SLC38A9: variants seen among roughly 807,000 people sequenced by gnomAD.
SLC38A9 encodes the protein solute carrier family 38 member 9.
In SLC38A9, 48 loss-of-function variants were observed where a neutral mutation model predicts 62.3. The observed-to-expected ratio is 0.77, with a 90% CI of 0.61 to 0.98. The LOEUF is 0.98. Ranked by LOEUF, SLC38A9 falls within the 50% of genes least tolerant of loss-of-function variation. The pLI, the probability that SLC38A9 is intolerant of heterozygous loss-of-function variation, is 0.00. For synonymous variants in SLC38A9, 204 were observed against 227.7 expected (o/e 0.90, Z 0.94); for missense variants, 541 against 679.8 (o/e 0.80, Z 2.27).
chr5:55,708,504 C>A (rs1437445354), intron 2 of SLC38A9, among the ~76,000 whole-genome samples: 1 of 152,184 alleles, frequency 6.6e-6, no homozygotes, highest in South Asian at 2.1e-4. Flanking sequence ...TGTCTTTTCA[C>A]AATTCTTTGC....
intron 13 of SLC38A9, chr5:55,634,727 T>C (rs905010209): frequency 4.6e-5 from 7 of 152,178 alleles, no homozygotes; most frequent in Admixed American, 2.0e-4. Context: ...ACTATTAACA[T>C]TATTTTGCTG....
intron 8 of SLC38A9, among the ~76,000 whole-genome samples, chr5:55,661,583 A>G (rs1749583594): frequency 6.6e-6 from 1 of 152,196 alleles, no homozygotes; most frequent in Non-Finnish European, 1.5e-5. Flanking sequence ...ACGGTGTACC[A>G]ACTGATAAAA....
At chr5:55,659,188 T>A (rs1315592030) in intron 8 of SLC38A9, among the ~76,000 whole-genome samples, 1 of 151,932 alleles carries the variant, frequency 6.6e-6, no homozygotes, top group Non-Finnish European at 1.5e-5. Flanking sequence ...TCAGAAAGAT[T>A]TCCTTATGAA....
chr5:55,652,476 TCCA>T, intron 10 of SLC38A9, 50 bp downstream of exon 10: 1 of 1,093,122 alleles, frequency 9.1e-7, no homozygotes, highest in South Asian at 2.3e-5. Flanking sequence ...TTCCCTAGAC[TCCA>T]CCACGTATTC....
At chr5:55,646,274 G>A (rs1277739856) in intron 11 of SLC38A9, among the ~76,000 whole-genome samples, 1 of 152,134 alleles carries the variant, frequency 6.6e-6, no homozygotes, top group African/African-American at 2.4e-5. Context: ...GGGAGGCTGA[G>A]GCAGGGGAAT....
chr5:55,669,641 C>A, intron 5 of SLC38A9, 21 bp from the exon 6 acceptor site: 3 of 1,599,282 alleles, frequency 1.9e-6, no homozygotes, highest in Admixed American at 1.7e-5. Flanking sequence ...AGAGTAATAG[C>A]AGTAAAAAAA....
intron 3 of SLC38A9, chr5:55,693,119 G>A (rs1754972352): frequency 2.0e-6 from 1 of 499,008 alleles, no homozygotes; most frequent in Admixed American, 6.4e-5. Flanking sequence ...AGGTAGGGTT[G>A]CTGATTAATT....
intron 3 of SLC38A9, among the ~76,000 whole-genome samples, chr5:55,674,419 A>G (rs1751797221): frequency 6.6e-6 from 1 of 152,198 alleles, no homozygotes; most frequent in African/African-American, 2.4e-5. Context: ...CTGAGTTCAC[A>G]AACAGATTAA....
intron 7 of SLC38A9, among the ~76,000 whole-genome samples, chr5:55,666,283 A>G (rs1210903837): frequency 6.6e-6 from 1 of 152,346 alleles, no homozygotes; most frequent in South Asian, 2.1e-4. Context: ...GGATTATTAT[A>G]TTAGTAATAT....
intron 2 of SLC38A9, among the ~76,000 whole-genome samples, chr5:55,701,116 T>C (rs1468033767): frequency 1.3e-5 from 2 of 152,162 alleles, no homozygotes; most frequent in Non-Finnish European, 2.9e-5. Context: ...AAAATCCACA[T>C]GTGGCCACAT....
intron 3 of SLC38A9, among the ~76,000 whole-genome samples, chr5:55,690,087 A>C (rs987406956): frequency 6.6e-6 from 1 of 152,200 alleles, no homozygotes; most frequent in Non-Finnish European, 1.5e-5. Context: ...TGTAAGAATA[A>C]AAGGATTCTA....
At chr5:55,669,039 G>T in intron 7 of SLC38A9, 189 bp downstream of exon 7, 1 of 370,696 alleles carries the variant, frequency 2.7e-6, no homozygotes, top group Non-Finnish European at 4.8e-6. Flanking sequence ...CAGCTTCTCT[G>T]AATTTCAAAA....
intron 8 of SLC38A9, among the ~76,000 whole-genome samples, chr5:55,662,741 A>G (rs1429585696): frequency 1.3e-5 from 2 of 152,002 alleles, no homozygotes; most frequent in Non-Finnish European, 2.9e-5. Context: ...TTCATGTAGT[A>G]AAAGTCCAAA....
At chr5:55,680,553 A>C (rs965266091) in intron 3 of SLC38A9, among the ~76,000 whole-genome samples, 1 of 152,236 alleles carries the variant, frequency 6.6e-6, no homozygotes, top group Non-Finnish European at 1.5e-5. Flanking sequence ...GGCCCGTGTC[A>C]GATCAAATGC....
At chr5:55,710,872 C>T (rs897698940) in intron 2 of SLC38A9, among the ~76,000 whole-genome samples, 1 of 151,886 alleles carries the variant, frequency 6.6e-6, no homozygotes, top group Non-Finnish European at 1.5e-5. Flanking sequence ...CCTGCCTCAG[C>T]CTCCCAAAGT....
intron 14 of SLC38A9, among the ~76,000 whole-genome samples, chr5:55,629,576 A>C (rs142379466): frequency 6.6e-6 from 1 of 152,304 alleles, no homozygotes; most frequent in Non-Finnish European, 1.5e-5. Flanking sequence ...GAGGAAAAGT[A>C]CCTGTGTGGC....
chr5:55,647,285 A>G (rs183482553), intron 11 of SLC38A9, among the ~76,000 whole-genome samples: 66 of 152,308 alleles, frequency 4.3e-4, no homozygotes, highest in African/African-American at 1.6e-3. Context: ...ATAAAATAAC[A>G]TTGCAAAAGC....
At chr5:55,689,612 A>G (rs1423801315) in intron 3 of SLC38A9, among the ~76,000 whole-genome samples, 2 of 152,230 alleles carry the variant, frequency 1.3e-5, no homozygotes, top group South Asian at 2.1e-4. Flanking sequence ...ACAGAGAACA[A>G]TGCTAGCCCA....
At chr5:55,643,240 T>C (rs1057140455) in intron 12 of SLC38A9, among the ~76,000 whole-genome samples, 1 of 152,226 alleles carries the variant, frequency 6.6e-6, no homozygotes, top group African/African-American at 2.4e-5. Context: ...AGCACTGCTT[T>C]AAGTAAACTC....
Sources: gnomAD v4.1 joint callset for allele counts (sites outside exome capture counted in the v4.1 genomes callset) on GRCh38, gnomAD v4.1.1 for gene constraint, MANE v1.5 for transcripts, NCBI Gene and HGNC (gene_info 2026-07-23, HGNC 2026-07-21) for gene names.